The following NFE2L2 variants were observed in gnomAD, a reference collection of about 807,000 sequenced individuals.
The protein encoded by NFE2L2 is nuclear factor erythroid 2-related factor 2.
NFE2L2 carries 20 observed loss-of-function variants against 49.6 expected under a neutral mutation model. That is an observed-to-expected ratio of 0.40 (90% CI 0.28 to 0.59). NFE2L2 has a LOEUF of 0.59. Among genes scored for constraint, NFE2L2 ranks in the 20% least tolerant of loss-of-function variants. NFE2L2 has a pLI of 0.40. For synonymous variants in NFE2L2, 244 were observed against 256.5 expected (o/e 0.95, Z 0.47); for missense variants, 578 against 714.2 (o/e 0.81, Z 2.17).
At chr2:177,259,658 C>T (rs12185576) in intron 1 of NFE2L2, among the ~76,000 whole-genome samples, 45,611 of 151,862 alleles carry the variant, frequency 0.3, 7,567 homozygotes, top group East Asian at 0.52. Flanking sequence ...CTAGGCCAGG[C>T]GCGGTGGCTT....
chr2:177,231,772 G>T lies in NFE2L2; in HGVS notation c.831C>A (p.Val277=). 1 of 1,614,200 alleles carries T rather than the reference G, an allele frequency of 6.2e-7. No homozygotes were observed. The highest frequency in any genetic ancestry group is 1.1e-5 in the South Asian group (1 of 91,072). The change falls in exon 5 of 5, where the codon GTC becomes GTA. Residue 277 remains valine, a synonymous_variant. Transcript: ENST00000397062. ...AAAATTCATCACCAAAATCTGTGTT[G>T]ACTGTGGCATCTGAATTTAATGAGT... The part of the protein sequence containing the change: ...TVNSLNSDAT[V]NTDFGDEFYS...
chr2:177,247,595 A>G (rs1690177377), intron 1 of NFE2L2, among the ~76,000 whole-genome samples: 1 of 147,704 alleles, frequency 6.8e-6, no homozygotes, highest in Non-Finnish European at 1.5e-5. Context: ...CAGGAGGCGG[A>G]GGTTATGGTG....
intron 1 of NFE2L2, chr2:177,263,269 A>G (rs1373023236): frequency 1.4e-6 from 1 of 736,598 alleles, no homozygotes; most frequent in East Asian, 1.3e-4. Context: ...GGAACATGTT[A>G]AGAAATTGAG....
intron 1 of NFE2L2, among the ~76,000 whole-genome samples, chr2:177,248,805 A>G (rs1690227758): frequency 6.6e-6 from 1 of 152,034 alleles, no homozygotes; most frequent in Non-Finnish European, 1.5e-5. Context: ...TTTGCTCTCA[A>G]TACTATAGGA....
intron 1 of NFE2L2, among the ~76,000 whole-genome samples, chr2:177,247,684 CAAAA>C (rs57701650): frequency 1.1e-4 from 6 of 56,318 alleles, no homozygotes; most frequent in Admixed American, 2.0e-4. Flanking sequence ...CCCCACCCCG[CAAAA>C]AAAAAAAAAA....
Position 177,231,782 on chromosome 2 carries a change from T to G in NFE2L2, c.821A>C (p.Asp274Ala), listed in dbSNP as rs756141259. The G allele has an allele frequency of 8.4e-5, 136 of 1,614,102 alleles. No homozygotes were observed. The highest frequency in any genetic ancestry group is 1.1e-4 in the Non-Finnish European group (127 of 1,180,034). The stretch of plus-strand genomic sequence containing the variant: ...ACCAAAATCTGTGTTGACTGTGGCA[T>G]CTGAATTTAATGAGTTCACTGTCAA... ...NQLTVNSLNS[D>A]ATVNTDFGDE... Residue 274 changes from aspartate (D) to alanine (A), a missense_variant, in exon 5 of 5, where the codon GAT becomes GCT. Around this residue, in one of 3 missense-constraint regions of NFE2L2, gnomAD observed 368 missense variants for 384.6 expected, o/e 0.96. Coordinates refer to ENST00000397062, the MANE Select transcript of NFE2L2 (RefSeq NM_006164.5).
intron 1 of NFE2L2, among the ~76,000 whole-genome samples, chr2:177,264,090 G>A (rs1690849167): frequency 6.6e-6 from 1 of 152,094 alleles, no homozygotes; most frequent in Admixed American, 6.5e-5. Context: ...GCACATTTTT[G>A]CCGGCACCGA....
intron 1 of NFE2L2, among the ~76,000 whole-genome samples, chr2:177,242,331 A>G (rs999373584): frequency 4.6e-5 from 7 of 152,230 alleles, no homozygotes; most frequent in Non-Finnish European, 8.8e-5. Flanking sequence ...ATCAGCAGAG[A>G]CATTTAAGAG....
Position 177,237,558 on chromosome 2 carries a change from G to A in NFE2L2, c.46-3287C>T, listed in dbSNP as rs796700269. On this transcript the variant is annotated intron_variant, in intron 1 of 4. Transcript: ENST00000397062. ...TTTTGAGACGGAGTCTCGCTCTGTC[G>A]CCCAGGCTGGAGTGCAGTGGCACAA... 8.5e-5 allele frequency among the ~76,000 whole-genome samples: 13 copies of A among 152,094 alleles called. 1 individual carries two copies. The highest frequency in any genetic ancestry group is 1.2e-4 in the Non-Finnish European group (8 of 67,992).
At chr2:177,253,829 T>C (rs1442534315) in intron 1 of NFE2L2, among the ~76,000 whole-genome samples, 3 of 152,224 alleles carry the variant, frequency 2.0e-5, no homozygotes, top group South Asian at 2.1e-4. Context: ...ATACAATAGA[T>C]TGTAAGAGAA....
chr2:177,233,340 C>T lies in NFE2L2; in HGVS notation c.313-1G>A, dbSNP rs1689626802. The T allele has an allele frequency of 6.2e-7, 1 of 1,606,540 alleles. No homozygotes were observed. The highest frequency in any genetic ancestry group is 8.5e-7 in the Non-Finnish European group (1 of 1,177,254). On this transcript the variant is annotated splice_acceptor_variant, in intron 2 of 4. Transcript: ENST00000397062. LOFTEE classifies it high-confidence loss of function. ...CATCTGATTTGGGAATGTGGGCAACCTGATAAAAGGGAATGACACAAAGGA... is the reference window on the plus strand; with the variant it reads ...CATCTGATTTGGGAATGTGGGCAACTTGATAAAAGGGAATGACACAAAGGA...
At chr2:177,237,069 A>G (rs1436982432) in intron 1 of NFE2L2, among the ~76,000 whole-genome samples, 1 of 152,166 alleles carries the variant, frequency 6.6e-6, no homozygotes, top group Non-Finnish European at 1.5e-5. Flanking sequence ...CATTTTGCCC[A>G]GGCTGGTCTT....
At chr2:177,237,065 G>C (rs1689775102) in intron 1 of NFE2L2, among the ~76,000 whole-genome samples, 1 of 152,114 alleles carries the variant, frequency 6.6e-6, no homozygotes, top group Admixed American at 6.5e-5. Context: ...TTGCCATTTT[G>C]CCCAGGCTGG....
chr2:177,237,169 T>C (rs2105463953), intron 1 of NFE2L2, among the ~76,000 whole-genome samples: 1 of 152,176 alleles, frequency 6.6e-6, no homozygotes, highest in East Asian at 1.9e-4. Flanking sequence ...TTGGCCTTTT[T>C]CCAAATATTT....
intron 1 of NFE2L2, among the ~76,000 whole-genome samples, chr2:177,252,535 G>C (rs946336323): frequency 2.0e-5 from 3 of 152,164 alleles, no homozygotes; most frequent in African/African-American, 7.2e-5. Context: ...TAAGAGAGGG[G>C]CAAAAAGAGA....
chr2:177,244,634 A>T (rs1690060610), intron 1 of NFE2L2, among the ~76,000 whole-genome samples: 1 of 152,208 alleles, frequency 6.6e-6, no homozygotes, highest in Non-Finnish European at 1.5e-5. Context: ...ACAAGGGTTA[A>T]ATCTATTTTC....
chr2:177,237,659 C>A (rs1201443384), intron 1 of NFE2L2, among the ~76,000 whole-genome samples: 1 of 152,224 alleles, frequency 6.6e-6, no homozygotes, highest in Non-Finnish European at 1.5e-5. Flanking sequence ...GCTGGGATTA[C>A]AGGTGCGTGC....
At chr2:177,240,105 G>A (rs191869222) in intron 1 of NFE2L2, among the ~76,000 whole-genome samples, 1 of 152,172 alleles carries the variant, frequency 6.6e-6, no homozygotes, top group Non-Finnish European at 1.5e-5. Flanking sequence ...AAATGACCCA[G>A]CTCTCTGCAA....
chr2:177,256,479 G>C (rs1255593652), intron 1 of NFE2L2, among the ~76,000 whole-genome samples: 1 of 119,786 alleles, frequency 8.3e-6, no homozygotes, highest in African/African-American at 3.2e-5. Context: ...AATCTACTCT[G>C]AATGTCAGCT....
Sources: gnomAD v4.1 joint callset for allele counts (sites outside exome capture counted in the v4.1 genomes callset) on GRCh38, gnomAD v4.1.1 for gene constraint, gnomAD v4.1.1 regional missense constraint, MANE v1.5 for transcripts, NCBI Gene and HGNC (gene_info 2026-07-23, HGNC 2026-07-21) for gene names.